PCLO: variants seen among roughly 807,000 people sequenced by gnomAD.
PCLO encodes protein piccolo.
PCLO carries 82 observed loss-of-function variants against 427.5 expected under a neutral mutation model. The ratio of observed to expected loss-of-function variants is 0.19; its 90% confidence interval spans 0.16 to 0.23. The LOEUF is 0.23. Ranked by LOEUF, PCLO falls within the 10% of genes least tolerant of loss-of-function variation. The pLI is 1.00. For missense variants in PCLO, 6,239 were observed against 6,115.9 expected (o/e 1.02, Z -0.67); for synonymous variants, 2,357 against 2,155.4 (o/e 1.09, Z -2.59).
intron 3 of PCLO, among the ~76,000 whole-genome samples, chr7:83,067,279 T>A (rs978775422): frequency 6.6e-6 from 1 of 152,136 alleles, no homozygotes; most frequent in African/African-American, 2.4e-5. Context: ...AGATTACACA[T>A]GAAAAGGGGT....
In PCLO at chr7:82,949,931, T is replaced by C. The variant is rs368278746; in HGVS notation, c.10657A>G (p.Ile3553Val). Residue 3553 changes from isoleucine to valine, a missense_variant, in exon 6 of 25, where the codon ATT becomes GTT. Physicochemically the swap from Ile to Val is conservative, Grantham distance 29. This residue lies in a region of PCLO where 4,677 missense variants were observed against 4,468.4 expected (regional missense o/e 1.05). Coordinates refer to ENST00000333891, the MANE Select transcript of PCLO (RefSeq NM_033026.6). ...TTGTAAGTCTTTTCAGGTGCTGAAATGTGTTTAATTATTTCTACCTTGGCA... is the reference window on the plus strand; with the variant it reads ...TTGTAAGTCTTTTCAGGTGCTGAAACGTGTTTAATTATTTCTACCTTGGCA... Reference protein sequence around the residue: ...VDAKVEIIKHISAPEKTYKGG... With the variant: ...VDAKVEIIKHVSAPEKTYKGG... 1 of 1,613,586 alleles carries C rather than the reference T, an allele frequency of 6.2e-7. No individual in the cohort carries two copies. Among genetic ancestry groups the C allele is most frequent in the East Asian group, 2.2e-5 (1 of 44,870 alleles).
At position 83,135,460 on chromosome 7, in the gene PCLO, G is replaced by A. The variant is rs1398274156; in HGVS notation, c.2090C>T (p.Ala697Val). 1 of 1,613,796 alleles carries A rather than the reference G, an allele frequency of 6.2e-7. No individual in the cohort carries two copies. The highest frequency in any genetic ancestry group is 1.1e-5 in the South Asian group (1 of 91,062). Reference sequence around the variant, plus strand: ...TGGTGGTGGCTTTTTAGGCTCAGGTGCCTTGGAGAGATCCTGTTTTGGTGC... The same window carrying A: ...TGGTGGTGGCTTTTTAGGCTCAGGTACCTTGGAGAGATCCTGTTTTGGTGC... ...DAAPKQDLSK[A>V]PEPKKPPPLV... The change falls in exon 3 of 25, where the codon GCA (alanine) becomes GTA (valine). Residue 697 changes from alanine to valine, a missense_variant. By Grantham distance (64) the Ala-to-Val change is moderately conservative (BLOSUM62 0). This residue lies in a region of PCLO where 4,677 missense variants were observed against 4,468.4 expected (regional missense o/e 1.05). Transcript: ENST00000333891.
intron 22 of PCLO, among the ~76,000 whole-genome samples, chr7:82,780,388 T>C (rs1248467081): frequency 2.0e-5 from 3 of 152,208 alleles, no homozygotes; most frequent in Non-Finnish European, 2.9e-5. Context: ...CCCACTTCCT[T>C]TGAAAACCTG....
At chr7:82,802,688 AG>A (rs1206949369) in intron 21 of PCLO, among the ~76,000 whole-genome samples, 1 of 152,172 alleles carries the variant, frequency 6.6e-6, no homozygotes, top group Non-Finnish European at 1.5e-5. Flanking sequence ...CTTCTAGCAT[AG>A]TGGGATTTAC....
rs754776092 is a variant in PCLO at position 82,955,754 on chromosome 7, T to A, written c.5199A>T (p.Ser1733=). The part of the protein sequence containing the change: ...SSFTPGTSPT[S]VSSLDEDSDS... ...CACTGTCCTCATCAAGTGATGATAC[T>A]GATGTAGGGGATGTACCAGGAGTGA... The change falls in exon 5 of 25, where the codon TCA becomes TCT. Residue 1733 remains serine (S), a synonymous_variant. Coordinates refer to ENST00000333891, the MANE Select transcript of PCLO (RefSeq NM_033026.6). 1.9e-6 allele frequency: 3 copies of A among 1,613,856 alleles called. No individual in the cohort carries two copies. In the African/African-American group the frequency reaches 4.0e-5, roughly 22 times the overall value.
intron 3 of PCLO, among the ~76,000 whole-genome samples, chr7:83,003,926 T>TA (rs548822286): frequency 0.015 from 2,113 of 143,834 alleles, 57 homozygotes; most frequent in African/African-American, 0.047. Context: ...TTGTATTAAC[T>TA]AAAAAAAAAA....
chr7:83,004,564 A>C, intron 3 of PCLO, among the ~76,000 whole-genome samples: 1 of 151,674 alleles, frequency 6.6e-6, no homozygotes, highest in East Asian at 1.9e-4. Flanking sequence ...AAAAACCATA[A>C]AAATCCTGCA....
At chr7:83,009,294 GA>G (rs1788022302) in intron 3 of PCLO, among the ~76,000 whole-genome samples, 1 of 151,730 alleles carries the variant, frequency 6.6e-6, no homozygotes, top group Non-Finnish European at 1.5e-5. Context: ...TTAACATAAA[GA>G]TAGAAAATAA....
chr7:82,914,346 C>A, intron 7 of PCLO: 9 of 461,552 alleles, frequency 1.9e-5, no homozygotes, highest in South Asian at 1.0e-4. Flanking sequence ...ATGAAAGAAA[C>A]TTACAATGAA....
chr7:82,845,574 AAAAC>A, intron 12 of PCLO, 89 bp from the exon 13 acceptor site: 1 of 814,958 alleles, frequency 1.2e-6, no homozygotes, highest in Non-Finnish European at 2.0e-6. Flanking sequence ...TGACAAAGGT[AAAAC>A]ATTACCTATA....
chr7:82,899,730 A>T (rs972524334), intron 9 of PCLO, among the ~76,000 whole-genome samples: 1 of 151,596 alleles, frequency 6.6e-6, no homozygotes, highest in Admixed American at 6.6e-5. Flanking sequence ...AATATTTACT[A>T]AAGAGCTGGC....
Position 82,916,419 on chromosome 7 carries a change from G to T in PCLO, c.11567C>A (p.Pro3856Gln), listed in dbSNP as rs775679251. The T allele has an allele frequency of 3.1e-6, 5 of 1,613,500 alleles. No homozygotes were observed. The highest frequency in any genetic ancestry group is 4.5e-5 in the East Asian group (2 of 44,852). Residue 3856 changes from proline to glutamine, a missense_variant, in exon 7 of 25, where the codon CCA becomes CAA. Pro to Gln is a moderately conservative substitution (Grantham distance 76, BLOSUM62 -1). Around this residue, in one of 5 missense-constraint regions of PCLO, gnomAD observed 680 missense variants for 677.3 expected, o/e 1.00. Coordinates refer to ENST00000333891, the MANE Select transcript of PCLO (RefSeq NM_033026.6). The stretch of plus-strand genomic sequence containing the variant: ...GAATTCAGTTTGGGGAGCAGTTCTT[G>T]GTCGCTCAATGCCATGCTGACTTTC... ...RIESQHGIER[P>Q]RTAPQTEFSQ...
Position 82,951,367 on chromosome 7 carries a change from G to A in PCLO, c.9221C>T (p.Pro3074Leu), listed in dbSNP as rs755159740. Reference protein sequence around the residue: ...STARMTPPPGPQYCVGSVLRS... With the variant: ...STARMTPPPGLQYCVGSVLRS... Reference sequence around the variant, plus strand: ...CAAAACACTCCCCACACAATACTGGGGTCCTGGTGGTGGTGTCATTCTTGC... The same window carrying A: ...CAAAACACTCCCCACACAATACTGGAGTCCTGGTGGTGGTGTCATTCTTGC... Residue 3074 changes from proline (P) to leucine (L), a missense_variant, in exon 6 of 25, where the codon CCC becomes CTC. Physicochemically the swap from Pro to Leu is moderately conservative, Grantham distance 98 (BLOSUM62 -3). Coordinates refer to ENST00000333891, the MANE Select transcript of PCLO (RefSeq NM_033026.6). 9.3e-6 allele frequency: 15 copies of A among 1,605,708 alleles called. No homozygotes were observed. The highest frequency in any genetic ancestry group is 1.3e-5 in the Non-Finnish European group (15 of 1,175,784).
chr7:83,004,155 A>G (rs1787890532), intron 3 of PCLO, among the ~76,000 whole-genome samples: 1 of 151,808 alleles, frequency 6.6e-6, no homozygotes, highest in African/African-American at 2.4e-5. Flanking sequence ...GAAATGGAAC[A>G]AAAATCCTAA....
chr7:82,893,005 G>C (rs534971865), intron 9 of PCLO, among the ~76,000 whole-genome samples: 2 of 152,344 alleles, frequency 1.3e-5, no homozygotes, highest in East Asian at 3.9e-4. Flanking sequence ...CATTGTGGAA[G>C]ACAGTGTGGT....
At chr7:83,149,696 TATTTTCTACCA>T (rs1792081816) in intron 2 of PCLO, among the ~76,000 whole-genome samples, 1 of 152,230 alleles carries the variant, frequency 6.6e-6, no homozygotes, top group African/African-American at 2.4e-5. Context: ...ATAGCTCCAC[TATTTTCTACCA>T]GCTCTTCTGA....
chr7:82,914,754 G>C lies in PCLO; in HGVS notation c.13232C>G (p.Thr4411Ser). ...TGCTATGTCACGGTCATAGCCTCGA[G>C]TCCGTGATTCTTCCCTCATGTGTTG... Reference protein sequence around the residue: ...VQQHMREESRTRGYDRDIAFI... With the variant: ...VQQHMREESRSRGYDRDIAFI... Residue 4411 changes from threonine to serine, a missense_variant, in exon 7 of 25, where the codon ACT becomes AGT. Coordinates refer to ENST00000333891, the MANE Select transcript of PCLO (RefSeq NM_033026.6). 1.2e-6 allele frequency: 2 copies of C among 1,613,348 alleles called. No homozygotes were observed. The highest frequency in any genetic ancestry group is 1.7e-6 in the Non-Finnish European group (2 of 1,179,648).
At chr7:82,816,726 T>C (rs1008979349) in intron 20 of PCLO, among the ~76,000 whole-genome samples, 3 of 152,088 alleles carry the variant, frequency 2.0e-5, no homozygotes, top group Admixed American at 6.6e-5. Flanking sequence ...GTTTGGTGTT[T>C]AGATGGGCCA....
chr7:83,079,342 T>C (rs1415083516), intron 3 of PCLO, among the ~76,000 whole-genome samples: 2 of 151,970 alleles, frequency 1.3e-5, no homozygotes, highest in Non-Finnish European at 2.9e-5. Context: ...CTAAACCGGG[T>C]CAACTGAAAT....
Sources: gnomAD v4.1 joint callset for allele counts (sites outside exome capture counted in the v4.1 genomes callset) on GRCh38, gnomAD v4.1.1 for gene constraint, gnomAD v4.1.1 regional missense constraint, MANE v1.5 for transcripts, NCBI Gene and HGNC (gene_info 2026-07-23, HGNC 2026-07-21) for gene names.